The following PPP1R14C variants were observed in gnomAD, a reference collection of about 807,000 sequenced individuals.
PPP1R14C encodes protein phosphatase 1 regulatory inhibitor subunit 14C.
PPP1R14C carries 16 observed loss-of-function variants against 20.4 expected under a neutral mutation model. That is an observed-to-expected ratio of 0.78 (90% CI 0.53 to 1.19). The LOEUF is 1.19. Among genes scored for constraint, PPP1R14C ranks in the 50% most tolerant of loss-of-function variants. PPP1R14C has a pLI of 0.00. For missense variants in PPP1R14C, 211 were observed against 220.1 expected (o/e 0.96, Z 0.26); for synonymous variants, 91 against 91.0 (o/e 1.00, Z 0.00).
At chr6:150,148,844 G>C (rs187382543) in intron 1 of PPP1R14C, among the ~76,000 whole-genome samples, 1 of 152,066 alleles carries the variant, frequency 6.6e-6, no homozygotes, top group Admixed American at 6.6e-5. Context: ...CTGACGGATC[G>C]CTTGAGGCCA....
At chr6:150,200,269 A>G (rs1019795815) in intron 1 of PPP1R14C, among the ~76,000 whole-genome samples, 1 of 151,950 alleles carries the variant, frequency 6.6e-6, no homozygotes, top group South Asian at 2.1e-4. Context: ...ACAATGAAAA[A>G]CCAGTTAACT....
intron 1 of PPP1R14C, among the ~76,000 whole-genome samples, chr6:150,181,566 T>C (rs1777622213): frequency 6.6e-6 from 1 of 152,262 alleles, no homozygotes; most frequent in Admixed American, 6.5e-5. Context: ...AGTAATCCAC[T>C]TCTCAAATTG....
chr6:150,231,956 G>T (rs1778301185), intron 3 of PPP1R14C, among the ~76,000 whole-genome samples: 1 of 151,984 alleles, frequency 6.6e-6, no homozygotes, highest in Non-Finnish European at 1.5e-5. Flanking sequence ...ACTATTATTG[G>T]CCTGTTGCCT....
At chr6:150,203,584 G>A (rs999866055) in intron 1 of PPP1R14C, among the ~76,000 whole-genome samples, 5 of 152,190 alleles carry the variant, frequency 3.3e-5, no homozygotes, top group Non-Finnish European at 7.3e-5. Context: ...CCCGAGGCAG[G>A]AGGTGAAACG....
In PPP1R14C at chr6:150,143,933, G is replaced by A. The variant is rs1777153402; in HGVS notation, c.306+435G>A. ...GGATCCGGGCAGCCCTGATTTTTGTGGAGAACGAGCAGGGAAGGAAGGAAG... is the reference window on the plus strand; with the variant it reads ...GGATCCGGGCAGCCCTGATTTTTGTAGAGAACGAGCAGGGAAGGAAGGAAG... On this transcript the variant is annotated intron_variant, in intron 1 of 3. Transcript: ENST00000361131. The surrounding 1 kb of genome is among the most constrained non-coding windows in gnomAD (Gnocchi z 5.6). 6.6e-6 allele frequency among the ~76,000 whole-genome samples: 1 copy of A among 152,176 alleles called. No homozygotes were observed.
chr6:150,203,474 C>T (rs2114899610), intron 1 of PPP1R14C, among the ~76,000 whole-genome samples: 1 of 152,314 alleles, frequency 6.6e-6, no homozygotes, highest in East Asian at 1.9e-4. Flanking sequence ...TCACAATTTC[C>T]TCTCAGTGTC....
rs141713275 is a variant in PPP1R14C at position 150,197,369 on chromosome 6, G to A, written c.307-17375G>A. Among the ~76,000 whole-genome samples, 184 of 152,360 alleles carry A rather than the reference G, an allele frequency of 1.2e-3. 2 individuals carry two copies. The highest frequency in any genetic ancestry group is 4.0e-3 in the African/African-American group (168 of 41,582). On this transcript the variant is annotated intron_variant, in intron 1 of 3. Transcript: ENST00000361131. ...TTAAACTGTGGGCCTCTTACCCACC[G>A]CAGTCACTCCCTGGAGGTGGCCTCA...
chr6:150,231,839 A>G (rs1268464909), intron 3 of PPP1R14C, among the ~76,000 whole-genome samples: 2 of 152,106 alleles, frequency 1.3e-5, no homozygotes, highest in Admixed American at 6.5e-5. Context: ...TTATTACTGT[A>G]TAGTATTTCT....
chr6:150,212,986 G>A (rs977745254), intron 1 of PPP1R14C, among the ~76,000 whole-genome samples: 2 of 152,138 alleles, frequency 1.3e-5, no homozygotes, highest in African/African-American at 2.4e-5. Flanking sequence ...TCATCAAAGC[G>A]TTTCAACTTC....
At chr6:150,170,651 C>G (rs1022677890) in intron 1 of PPP1R14C, among the ~76,000 whole-genome samples, 1 of 151,914 alleles carries the variant, frequency 6.6e-6, no homozygotes, top group Non-Finnish European at 1.5e-5. Flanking sequence ...CCCGTGATAT[C>G]GAAGTAGACC....
intron 1 of PPP1R14C, among the ~76,000 whole-genome samples, chr6:150,189,864 C>T (rs997465376): frequency 1.3e-4 from 20 of 152,132 alleles, no homozygotes; most frequent in African/African-American, 4.8e-4. Context: ...TAACTGAATC[C>T]AGCAGCTTCT....
chr6:150,249,106 G>A lies in PPP1R14C; in HGVS notation c.*286G>A, dbSNP rs1778530718. ...AAAGGAGGTGGACACTCAAGGAAGGGCCACGCCAGGCTGCGTTTCCTGCAA... is the reference window on the plus strand; with the variant it reads ...AAAGGAGGTGGACACTCAAGGAAGGACCACGCCAGGCTGCGTTTCCTGCAA... On this transcript the variant is annotated 3_prime_UTR_variant, in exon 4 of 4. Transcript: ENST00000361131. 7.3e-6 allele frequency: 3 copies of A among 411,840 alleles called. No homozygotes were observed. Among genetic ancestry groups the A allele is most frequent in the South Asian group, 1.1e-4 (1 of 8,698 alleles). The allele number at this position is 411,840 out of a possible 1,614,324, so 25.5% of individuals were successfully genotyped here.
rs796386916 is a variant in PPP1R14C at position 150,167,169 on chromosome 6, C to A, written c.306+23671C>A. On this transcript the variant is annotated intron_variant, in intron 1 of 3. Transcript: ENST00000361131. ...ATCACTTGAGGTCAGGAGTTTGAGA[C>A]CAGCCTGGCCAACATGGCAAACCCC... 2.0e-5 allele frequency among the ~76,000 whole-genome samples: 3 copies of A among 152,094 alleles called. No homozygotes were observed. The South Asian group carries it at 6.2e-4, about 32-fold the overall frequency.
At chr6:150,236,684 C>G (rs9371844) in intron 3 of PPP1R14C, among the ~76,000 whole-genome samples, 7,820 of 149,268 alleles carry the variant, frequency 0.052, 280 homozygotes, top group East Asian at 0.15. Flanking sequence ...GGAAATGCCA[C>G]CTAAGGAATG....
chr6:150,177,766 G>A (rs1424127480), intron 1 of PPP1R14C, among the ~76,000 whole-genome samples: 1 of 152,128 alleles, frequency 6.6e-6, no homozygotes, highest in Admixed American at 6.5e-5. Context: ...GACAGCTGTC[G>A]GGGAGGCAGG....
chr6:150,216,987 G>A lies in PPP1R14C; in HGVS notation c.423+131G>A. ...ACCAATTAGCAATTATTATCCATGA[G>A]TGCATATGTTTGAATAGCTCTAACT... On this transcript the variant is annotated intron_variant, in intron 3 of 3. Coordinates refer to ENST00000361131, the MANE Select transcript of PPP1R14C (RefSeq NM_030949.3). The A allele has an allele frequency of 1.2e-5, 8 of 656,390 alleles. No homozygotes were observed. In the South Asian group the frequency reaches 1.4e-4, roughly 11 times the overall value. 40.7% of individuals were successfully genotyped at this position (656,390 alleles called of 1,614,324 possible). A position where few individuals can be genotyped will look rare whatever the true frequency, so the allele number is the denominator to read the frequency against.
intron 1 of PPP1R14C, among the ~76,000 whole-genome samples, chr6:150,206,227 C>T (rs1777948065): frequency 6.6e-6 from 1 of 152,228 alleles, no homozygotes; most frequent in Admixed American, 6.5e-5. Context: ...CCCATACTCC[C>T]TGTCTCCCCT....
chr6:150,211,402 G>A (rs1778023263), intron 1 of PPP1R14C, among the ~76,000 whole-genome samples: 1 of 152,176 alleles, frequency 6.6e-6, no homozygotes. Context: ...TTCCCCAGCA[G>A]CTGTGAAGAC....
chr6:150,240,324 G>T (rs762422434), intron 3 of PPP1R14C, among the ~76,000 whole-genome samples: 1 of 152,172 alleles, frequency 6.6e-6, no homozygotes, highest in Non-Finnish European at 1.5e-5. Context: ...GGTTCTTCGC[G>T]TTTTGAACAA....
Sources: allele counts gnomAD v4.1 joint callset (sites outside exome capture counted in the v4.1 genomes callset), GRCh38; gene constraint gnomAD v4.1.1; non-coding constraint Gnocchi (gnomAD v3.1); transcripts MANE v1.5; gene names NCBI Gene and HGNC (gene_info 2026-07-23, HGNC 2026-07-21).